NDC80: variants seen among roughly 807,000 people sequenced by gnomAD.
The protein encoded by NDC80 is kinetochore protein NDC80 homolog.
A neutral mutation model predicts 89.3 loss-of-function variants in NDC80; 69 were observed. The ratio of observed to expected loss-of-function variants is 0.77; its 90% CI spans 0.64 to 0.94. The LOEUF is 0.94. NDC80 is among the 40% of genes least tolerant of loss of function. The pLI is 0.00. For missense variants in NDC80, 593 were observed against 739.6 expected, an observed-to-expected ratio of 0.80 and a Z score of 2.30; for synonymous variants, 243 against 255.6, an observed-to-expected ratio of 0.95 and a Z score of 0.47.
chr18:2,606,326 A>T, intron 13 of NDC80, 89 bp from the exon 14 acceptor site: 2 of 739,412 alleles, frequency 2.7e-6, no homozygotes, highest in Non-Finnish European at 4.2e-6. Context: ...TTGTTCAGTT[A>T]GTTGATTGAT....
At chr18:2,577,516 G>A (rs1010531535) in intron 3 of NDC80, among the ~76,000 whole-genome samples, 1 of 152,130 alleles carries the variant, frequency 6.6e-6, no homozygotes, top group African/African-American at 2.4e-5. Context: ...GCCTGGCCAA[G>A]TGTGTGTTTA....
intron 11 of NDC80, among the ~76,000 whole-genome samples, chr18:2,597,560 G>A (rs945390683): frequency 7.2e-5 from 11 of 151,936 alleles, no homozygotes; most frequent in Non-Finnish European, 1.0e-4. Context: ...GTGAAACCCC[G>A]TCTTTACTAA....
intron 9 of NDC80, 32 bp downstream of exon 9, chr18:2,589,342 A>C: frequency 6.8e-7 from 1 of 1,471,342 alleles, no homozygotes; most frequent in African/African-American, 1.4e-5. Context: ...CTTACTTGAG[A>C]GCTCTTTTAG....
At chr18:2,576,092 C>G (rs2143630267) in intron 3 of NDC80, among the ~76,000 whole-genome samples, 1 of 152,258 alleles carries the variant, frequency 6.6e-6, no homozygotes, top group African/African-American at 2.4e-5. Flanking sequence ...GAGAAACACC[C>G]TGTCTCAAAA....
At chr18:2,604,404 C>T (rs762158743) in intron 13 of NDC80, among the ~76,000 whole-genome samples, 5 of 152,146 alleles carry the variant, frequency 3.3e-5, no homozygotes, top group Admixed American at 1.3e-4. Flanking sequence ...CAGCATGGAC[C>T]GGGCATAGTG....
At chr18:2,589,162 G>A (rs938277166) in intron 8 of NDC80, 42 bp from the exon 9 acceptor site, 1 of 1,271,168 alleles carries the variant, frequency 7.9e-7, no homozygotes, top group African/African-American at 1.5e-5. Flanking sequence ...AATGTTCTAG[G>A]CGGATTTGAG....
rs1195421646 is a variant in NDC80 at position 2,578,821 on chromosome 18, C to CT, written c.477-105dup. On this transcript the variant is annotated intron_variant, in intron 5 of 16. Coordinates refer to ENST00000261597, the MANE Select transcript of NDC80 (RefSeq NM_006101.3). ...TATCTTACCTCTAAACAAGTCAAGA[C>CT]TGAGTGTGTATGTGGAATTTTTTAA... 1.9e-5 allele frequency: 10 copies of CT among 538,040 alleles called. No homozygotes were observed. In the African/African-American group the frequency reaches 2.0e-4, roughly 11 times the overall value. 33.3% of individuals were successfully genotyped at this position (538,040 alleles called of 1,614,324 possible).
At chr18:2,612,276 C>CTTTTTTTTTTTTTTTTTTT (rs55648444) in intron 16 of NDC80, among the ~76,000 whole-genome samples, 8 of 60,398 alleles carry the variant, frequency 1.3e-4, no homozygotes, top group South Asian at 9.3e-4. Context: ...TCTTTTCTTT[C>CTTTTTTTTTTTTTTTTTTT]TTTTTTTTTT....
chr18:2,593,826 A>G, intron 10 of NDC80: 1 of 295,424 alleles, frequency 3.4e-6, no homozygotes, highest in Non-Finnish European at 6.7e-6. Flanking sequence ...TCCGTCATTT[A>G]TAATTTCTGT....
chr18:2,575,318 G>C (rs747152227), intron 3 of NDC80, among the ~76,000 whole-genome samples: 39 of 152,112 alleles, frequency 2.6e-4, no homozygotes, highest in African/African-American at 7.7e-4. Flanking sequence ...TTTCAGACAC[G>C]GTGGAGTCAT....
chr18:2,595,513 T>G lies in NDC80; in HGVS notation c.1113T>G (p.His371Gln). The change falls in exon 11 of 17, where the codon CAT becomes CAG. Residue 371 changes from histidine (H) to glutamine (Q), a missense_variant. Physicochemically the swap from His to Gln is conservative, Grantham distance 24 (BLOSUM62 0). Transcript: ENST00000261597. ...YSVADIERINHERNELQQTIN... is the reference protein window; with the variant it reads ...YSVADIERINQERNELQQTIN... Reference sequence around the variant, plus strand: ...TTGCAGACATTGAGCGAATAAATCATGAAAGAAATGAATTGCAGCAGACTA... The same window carrying G: ...TTGCAGACATTGAGCGAATAAATCAGGAAAGAAATGAATTGCAGCAGACTA... The G allele has an allele frequency of 6.2e-7, 1 of 1,613,744 alleles. No individual in the cohort carries two copies. Among genetic ancestry groups the G allele is most frequent in the Non-Finnish European group, 8.5e-7 (1 of 1,179,784 alleles).
chr18:2,615,100 C>T (rs999412899), intron 16 of NDC80: 3 of 152,344 alleles, frequency 2.0e-5, no homozygotes, highest in Admixed American at 1.3e-4. Context: ...TTTCAAACTT[C>T]CGGCCTCCAG....
chr18:2,615,436 C>T (rs896079093), intron 16 of NDC80: 1 of 152,388 alleles, frequency 6.6e-6, no homozygotes, highest in Non-Finnish European at 1.5e-5. Flanking sequence ...TGCATGGCAT[C>T]TTCTCTCCTC....
At chr18:2,604,165 G>A (rs1017551401) in intron 13 of NDC80, among the ~76,000 whole-genome samples, 5 of 152,204 alleles carry the variant, frequency 3.3e-5, no homozygotes, top group African/African-American at 1.2e-4. Context: ...TAAGTGGGAA[G>A]ATGGGCATGA....
intron 6 of NDC80, among the ~76,000 whole-genome samples, chr18:2,581,778 T>G (rs1468416931): frequency 6.6e-6 from 1 of 152,234 alleles, no homozygotes; most frequent in Non-Finnish European, 1.5e-5. Flanking sequence ...TCCTGTCACT[T>G]TCTAATATAT....
At chr18:2,606,659 G>T (rs556797533) in intron 14 of NDC80, 152 bp downstream of exon 14, 6 of 438,752 alleles carry the variant, frequency 1.4e-5, no homozygotes, top group Non-Finnish European at 1.6e-5. Flanking sequence ...AAAGTTTATC[G>T]TAAGGAGTCA....
Position 2,575,019 on chromosome 18 carries a change from T to C in NDC80, c.132T>C (p.Ser44=), listed in dbSNP as rs914506723. The part of the protein sequence containing the change: ...TKEKPTFGKL[S]INKPTSERKV... ...AGAAACCAACCTTTGGAAAGTTGAGTATAAACAAACCGACATCTGAAAGAA... is the reference window on the plus strand; with the variant it reads ...AGAAACCAACCTTTGGAAAGTTGAGCATAAACAAACCGACATCTGAAAGAA... Residue 44 remains serine (S), a synonymous_variant, in exon 3 of 17, where the codon AGT becomes AGC. Transcript: ENST00000261597. 1.2e-6 allele frequency: 2 copies of C among 1,612,042 alleles called. No individual in the cohort carries two copies. The highest frequency in any genetic ancestry group is 1.1e-5 in the South Asian group (1 of 90,696).
intron 15 of NDC80, 31 bp from the exon 16 acceptor site, chr18:2,610,728 G>T (rs767428527): frequency 1.4e-6 from 2 of 1,473,422 alleles, no homozygotes; most frequent in South Asian, 2.5e-5. Context: ...TTTTTTCCTG[G>T]ACAACTTAAA....
At chr18:2,601,303 A>G (rs970091610) in intron 12 of NDC80, 93 bp from the exon 13 acceptor site, 9 of 459,948 alleles carry the variant, frequency 2.0e-5, no homozygotes, top group East Asian at 3.6e-5. Context: ...TTTCTCCAAA[A>G]GTGACTCCTC....
Sources: gnomAD v4.1 joint callset for allele counts (sites outside exome capture counted in the v4.1 genomes callset) on GRCh38, gnomAD v4.1.1 for gene constraint, MANE v1.5 for transcripts, NCBI Gene and HGNC (gene_info 2026-07-23, HGNC 2026-07-21) for gene names.